NUDCD3: variants seen among roughly 807,000 people sequenced by gnomAD.
NUDCD3 encodes the protein NudC domain containing 3.
Under a neutral mutation model 39.7 loss-of-function variants are expected in NUDCD3, and 13 were observed. The observed-to-expected ratio is 0.33, with a 90% CI of 0.21 to 0.52. The LOEUF (loss-of-function observed/expected upper bound fraction) is 0.52. Among genes scored for constraint, NUDCD3 ranks in the 20% least tolerant of loss-of-function variants. The pLI is 0.96. For missense variants in NUDCD3, 453 were observed against 458.1 expected, an observed-to-expected ratio of 0.99 and a Z score of 0.10; for synonymous variants, 175 against 172.4, an observed-to-expected ratio of 1.02 and a Z score of -0.12.
intron 3 of NUDCD3, among the ~76,000 whole-genome samples, chr7:44,410,180 A>T (rs1198721207): frequency 6.6e-6 from 1 of 152,242 alleles, no homozygotes; most frequent in African/African-American, 2.4e-5. Context: ...CAAGTAAAAT[A>T]AACTAAAAGG....
At chr7:44,474,501 G>A (rs1342612646) in intron 2 of NUDCD3, among the ~76,000 whole-genome samples, 2 of 151,976 alleles carry the variant, frequency 1.3e-5, no homozygotes, top group Non-Finnish European at 2.9e-5. Flanking sequence ...CTCAATTTTT[G>A]GAAATACACA....
At chr7:44,398,003 C>T (rs1247772006) in intron 4 of NUDCD3, among the ~76,000 whole-genome samples, 1 of 152,122 alleles carries the variant, frequency 6.6e-6, no homozygotes, top group African/African-American at 2.4e-5. Flanking sequence ...CCTGCAGGCA[C>T]ACAACATCCA....
intron 2 of NUDCD3, among the ~76,000 whole-genome samples, chr7:44,431,369 G>C (rs1304195250): frequency 6.6e-6 from 1 of 152,214 alleles, no homozygotes; most frequent in Admixed American, 6.5e-5. Flanking sequence ...GAAAAACACA[G>C]AACAGGCTCT....
Position 44,381,320 on chromosome 7 carries a change from G to A in NUDCD3, c.*4691C>T, listed in dbSNP as rs903730473. The A allele has an allele frequency of 6.6e-6, 1 of 152,340 alleles. No individual in the cohort carries two copies. The highest frequency in any genetic ancestry group is 6.5e-5 in the Admixed American group (1 of 15,288). The allele number at this position is 152,340 out of a possible 1,614,324, so 9.4% of individuals were successfully genotyped here. A position where few individuals can be genotyped will look rare whatever the true frequency, so the allele number is the denominator to read the frequency against. On this transcript the variant is annotated 3_prime_UTR_variant, in exon 6 of 6. Transcript: ENST00000355451. The stretch of plus-strand genomic sequence containing the variant: ...GCCACAGAGAGTGTGGCATGGCCAG[G>A]ACTGTACCTGGGGCAGATGGTCTTG...
At chr7:44,474,124 T>C (rs1250530053) in intron 2 of NUDCD3, among the ~76,000 whole-genome samples, 4 of 151,714 alleles carry the variant, frequency 2.6e-5, no homozygotes, top group Admixed American at 6.6e-5. Context: ...CTGTCTTTTG[T>C]ATTTCAAATT....
chr7:44,451,224 C>A (rs1179800594), intron 2 of NUDCD3, among the ~76,000 whole-genome samples: 1 of 152,246 alleles, frequency 6.6e-6, no homozygotes, highest in East Asian at 1.9e-4. Context: ...TGAAATAAGC[C>A]AGGCACACAA....
Position 44,379,602 on chromosome 7 carries a change from A to G in NUDCD3, c.*6409T>C, listed in dbSNP as rs1408615944. ...AATGCTCTACTGTTGCTGTCTGGAT[A>G]TCACTTGACTTTTGGGTGTGGTTGG... On this transcript the variant is annotated 3_prime_UTR_variant, in exon 6 of 6. Coordinates refer to ENST00000355451, the MANE Select transcript of NUDCD3 (RefSeq NM_015332.4). The G allele has an allele frequency of 6.6e-6, 1 of 152,284 alleles. No homozygotes were observed. Among genetic ancestry groups the G allele is most frequent in the Non-Finnish European group, 1.5e-5 (1 of 68,100 alleles). 9.4% of individuals were successfully genotyped at this position (152,284 alleles called of 1,614,324 possible).
chr7:44,467,899 G>C (rs1194587760), intron 2 of NUDCD3: 1 of 1,604,266 alleles, frequency 6.2e-7, no homozygotes, highest in Admixed American at 1.7e-5. Context: ...TCGGCATCAT[G>C]GCCGCCCTCA....
chr7:44,488,380 GA>G (rs1450484091), intron 1 of NUDCD3, among the ~76,000 whole-genome samples: 3 of 150,766 alleles, frequency 2.0e-5, no homozygotes, highest in African/African-American at 4.9e-5. Context: ...TTCCTTAAGC[GA>G]TGCTGATGGT....
intron 5 of NUDCD3, among the ~76,000 whole-genome samples, chr7:44,390,445 T>C (rs559896246): frequency 8.5e-5 from 13 of 152,260 alleles, no homozygotes; most frequent in African/African-American, 2.4e-4. Flanking sequence ...CCATTCAAAC[T>C]ACAATAATTT....
At position 44,381,073 on chromosome 7, in the gene NUDCD3, T is replaced by C. The variant is rs1324704032; in HGVS notation, c.*4938A>G. The stretch of plus-strand genomic sequence containing the variant: ...TAGCATGGGGTCAGTGCAGCGGCAA[T>C]GTCTGGGTTGTTGAGGGTTTTGATG... On this transcript the variant is annotated 3_prime_UTR_variant, in exon 6 of 6. Coordinates refer to ENST00000355451, the MANE Select transcript of NUDCD3 (RefSeq NM_015332.4). The C allele has an allele frequency of 6.6e-6, 1 of 152,282 alleles. No homozygotes were observed. Among genetic ancestry groups the C allele is most frequent in the Non-Finnish European group, 1.5e-5 (1 of 68,078 alleles). 9.4% of individuals were successfully genotyped at this position (152,282 alleles called of 1,614,324 possible). A position where few individuals can be genotyped will look rare whatever the true frequency, so the allele number is the denominator to read the frequency against.
At chr7:44,450,254 T>C (rs542560132) in intron 2 of NUDCD3, among the ~76,000 whole-genome samples, 80 of 151,942 alleles carry the variant, frequency 5.3e-4, no homozygotes, top group African/African-American at 1.9e-3. Flanking sequence ...CTCAGCTCAC[T>C]GCAACCTCTA....
At chr7:44,421,127 T>C (rs1386327005) in intron 3 of NUDCD3, among the ~76,000 whole-genome samples, 2 of 150,478 alleles carry the variant, frequency 1.3e-5, no homozygotes, top group Non-Finnish European at 3.0e-5. Context: ...AGGTCAGGAG[T>C]TCGAGACCAG....
intron 4 of NUDCD3, among the ~76,000 whole-genome samples, chr7:44,399,953 C>T (rs1195735609): frequency 1.3e-5 from 2 of 152,206 alleles, no homozygotes; most frequent in Non-Finnish European, 2.9e-5. Context: ...GTGCGCACCA[C>T]GTCAATACAT....
At position 44,379,282 on chromosome 7, in the gene NUDCD3, T is replaced by G. The variant is rs1171580084; in HGVS notation, c.*6729A>C. The G allele has an allele frequency of 2.7e-5, 4 of 149,574 alleles. No homozygotes were observed. The East Asian group carries it at 7.9e-4, about 29-fold the overall frequency. 9.3% of individuals were successfully genotyped at this position (149,574 alleles called of 1,614,324 possible). On this transcript the variant is annotated 3_prime_UTR_variant, in exon 6 of 6. Coordinates refer to ENST00000355451, the MANE Select transcript of NUDCD3 (RefSeq NM_015332.4). The stretch of plus-strand genomic sequence containing the variant: ...AGTCTGGGCAACACAGGAAAAACTC[T>G]GTCTCAAAAAAAAAAAAAACTTTTA...
At chr7:44,396,610 G>T (rs1330827732) in intron 4 of NUDCD3, among the ~76,000 whole-genome samples, 2 of 151,204 alleles carry the variant, frequency 1.3e-5, no homozygotes, top group Non-Finnish European at 2.9e-5. Flanking sequence ...AATGGCCCAC[G>T]CCTCGTAAGT....
intron 2 of NUDCD3, chr7:44,484,307 C>T (rs990143297): frequency 6.6e-6 from 1 of 152,226 alleles, no homozygotes; most frequent in Non-Finnish European, 1.5e-5. Flanking sequence ...AACATAACTC[C>T]TAAAAAGTGA....
chr7:44,419,280 T>C (rs1799091767), intron 3 of NUDCD3, among the ~76,000 whole-genome samples: 1 of 151,726 alleles, frequency 6.6e-6, no homozygotes. Context: ...ACTGCCTCTA[T>C]AGATTCCTTC....
rs1466635697 is a variant in NUDCD3, at chr7:44,453,329, G to A, written c.510-25626C>T. On this transcript the variant is annotated intron_variant, in intron 2 of 5. Transcript: ENST00000355451. The stretch of plus-strand genomic sequence containing the variant: ...GATTGTGCCACTGCACTCCAGCCTA[G>A]GCGACAGAGTGAGACTTCATCTCAA... 2.6e-5 allele frequency among the ~76,000 whole-genome samples: 4 copies of A among 151,922 alleles called. No individual in the cohort carries two copies. The South Asian group carries it at 6.2e-4, about 24-fold the overall frequency.
Sources: allele counts gnomAD v4.1 joint callset (sites outside exome capture counted in the v4.1 genomes callset), GRCh38; gene constraint gnomAD v4.1.1; transcripts MANE v1.5; gene names NCBI Gene and HGNC (gene_info 2026-07-23, HGNC 2026-07-21).